Variants in NDUFAF6 observed in about 807,000 individuals in gnomAD.
NDUFAF6 encodes the protein NADH dehydrogenase (ubiquinone) complex I, assembly factor 6.
In NDUFAF6, 45 loss-of-function variants were observed where a neutral mutation model predicts 40.8. The observed-to-expected ratio is 1.10, with a 90% CI of 0.87 to 1.42. The LOEUF is 1.42. Ranked by LOEUF, NDUFAF6 falls within the 40% of genes most tolerant of loss-of-function variation. The pLI is 0.00. For synonymous variants in NDUFAF6, 185 were observed against 155.9 expected, an observed-to-expected ratio of 1.19 and a Z score of -1.39; for missense variants, 435 against 418.5, an observed-to-expected ratio of 1.04 and a Z score of -0.34.
At chr8:94,978,324 C>T (rs532759162) in intron 1 of NDUFAF6, among the ~76,000 whole-genome samples, 6 of 152,312 alleles carry the variant, frequency 3.9e-5, no homozygotes, top group South Asian at 2.1e-4. Context: ...AGAAGGATGG[C>T]GCACTCCAAT....
chr8:95,002,362 T>C (rs143484045), intron 2 of NDUFAF6, among the ~76,000 whole-genome samples: 1,538 of 152,334 alleles, frequency 0.01, 28 homozygotes, highest in African/African-American at 0.035. Flanking sequence ...AGAGCAGAAA[T>C]GAGTCTCACC....
At chr8:95,090,040 C>T (rs183704189) in intron 2 of NDUFAF6, among the ~76,000 whole-genome samples, 1 of 152,272 alleles carries the variant, frequency 6.6e-6, no homozygotes, top group East Asian at 1.9e-4. Flanking sequence ...TCTGGCATCC[C>T]GGCAAGAGGT....
chr8:95,073,252 A>G (rs1832929323), intron 9 of NDUFAF6: 1 of 152,276 alleles, frequency 6.6e-6, no homozygotes. Flanking sequence ...TTGCGCGCGC[A>G]GCCAGGACAG....
At chr8:95,061,301 G>T (rs1330464343), downstream of NDUFAF6, among the ~76,000 whole-genome samples, 1 of 152,180 alleles carries the variant, frequency 6.6e-6, no homozygotes, top group Non-Finnish European at 1.5e-5. Flanking sequence ...ATCCCTAGGT[G>T]CCCTTGGATT....
intron 1 of NDUFAF6, among the ~76,000 whole-genome samples, chr8:94,908,832 C>A (rs1275483987): frequency 6.6e-6 from 1 of 152,126 alleles, no homozygotes. Context: ...ATTTAGCTTG[C>A]AGATTGGAAC....
intron 2 of NDUFAF6, among the ~76,000 whole-genome samples, chr8:95,081,393 G>C (rs2945565): frequency 0.6 from 91,358 of 151,480 alleles, 27,888 homozygotes; most frequent in East Asian, 0.77. Flanking sequence ...TGGTCCCTAA[G>C]TCCTGACCTC....
At position 95,043,701 on chromosome 8, in the gene NDUFAF6, G is replaced by A. The variant is rs191563187; in HGVS notation, c.478-1844G>A. On this transcript the variant is annotated intron_variant, in intron 4 of 8. Coordinates refer to ENST00000396124, the MANE Select transcript of NDUFAF6 (RefSeq NM_152416.4). ...ACATCACTTCACAGCTGTTGGGATG[G>A]CTGTGATAAAAAAGAAAAAAGATGC... Among the ~76,000 whole-genome samples, 8 of 152,288 alleles carry A rather than the reference G, an allele frequency of 5.3e-5. No individual in the cohort carries two copies. The East Asian group carries it at 1.3e-3, about 26-fold the overall frequency.
chr8:94,985,217 G>A (rs1825722319), intron 2 of NDUFAF6, among the ~76,000 whole-genome samples: 1 of 151,692 alleles, frequency 6.6e-6, no homozygotes, highest in African/African-American at 2.4e-5. Context: ...GTGAGCACTG[G>A]AGCTATGGCA....
At chr8:95,050,818 C>T (rs1256489089) in intron 7 of NDUFAF6, among the ~76,000 whole-genome samples, 1 of 152,088 alleles carries the variant, frequency 6.6e-6, no homozygotes, top group Non-Finnish European at 1.5e-5. Flanking sequence ...TGTATACATA[C>T]GTGCCCACAC....
At chr8:95,037,526 G>C (rs2131822387) in intron 3 of NDUFAF6, among the ~76,000 whole-genome samples, 2 of 152,308 alleles carry the variant, frequency 1.3e-5, no homozygotes, top group East Asian at 3.9e-4. Flanking sequence ...CTGGAATTTG[G>C]AAGAGAGGCC....
intron 2 of NDUFAF6, among the ~76,000 whole-genome samples, chr8:94,946,536 A>G (rs1822006204): frequency 6.6e-6 from 1 of 151,606 alleles, no homozygotes; most frequent in Non-Finnish European, 1.5e-5. Flanking sequence ...CCCCATCTCT[A>G]CAAAAAATAA....
In NDUFAF6 at chr8:94,903,364, AAAC is replaced by A. The variant is rs938317594; in HGVS notation, c.-936+7440_-936+7442del. Among the ~76,000 whole-genome samples the A allele has an allele frequency of 4.0e-4, 61 of 152,324 alleles. 1 individual carries two copies. The highest frequency in any genetic ancestry group is 5.8e-4 in the East Asian group (3 of 5,186). On this transcript the variant is annotated intron_variant, in intron 1 of 14. Coordinates refer to the NDUFAF6 transcript ENST00000396113. ...ACAGAGAGAGACCCTGTCTCGAAAA[AAAC>A]AAAGAAAACAACAACAACAAAACTG...
At chr8:94,912,834 C>T (rs1818877182) in intron 1 of NDUFAF6, among the ~76,000 whole-genome samples, 1 of 149,972 alleles carries the variant, frequency 6.7e-6, no homozygotes, top group Non-Finnish European at 1.5e-5. Context: ...AAAAAATTAG[C>T]TGGGCATGGT....
Position 94,932,469 on chromosome 8 carries a change from A to G in NDUFAF6, c.-935-13014A>G, listed in dbSNP as rs117208596. ...ACAAAGCTAGCCTAATTTTGGTAAC[A>G]CCTGATTTCCACCTTGATTTAGCAA... is the stretch of plus-strand genomic sequence containing the variant. On this transcript the variant is annotated intron_variant, in intron 1 of 14. Transcript: ENST00000396113. Among the ~76,000 whole-genome samples, 72 of 152,322 alleles carry G rather than the reference A, an allele frequency of 4.7e-4. 2 individuals carry two copies. In the East Asian group the frequency reaches 0.013, roughly 28 times the overall value.
intron 1 of NDUFAF6, chr8:94,929,849 G>A (rs1364997140): frequency 6.6e-6 from 1 of 152,500 alleles, no homozygotes; most frequent in East Asian, 1.9e-4. Flanking sequence ...ATTACTGCAT[G>A]CACTCTTCAC....
chr8:94,977,386 C>G (rs975306492), intron 1 of NDUFAF6, among the ~76,000 whole-genome samples: 1 of 151,654 alleles, frequency 6.6e-6, no homozygotes, highest in African/African-American at 2.4e-5. Context: ...TGGTGGCACA[C>G]AACTGTAGCC....
intron 1 of NDUFAF6, chr8:94,928,905 G>A (rs567530954): frequency 6.5e-6 from 1 of 152,758 alleles, no homozygotes; most frequent in African/African-American, 2.4e-5. Context: ...TTGCAGAGGA[G>A]ATGGAAAAAC....
chr8:95,045,277 T>C (rs1041782513), intron 4 of NDUFAF6, among the ~76,000 whole-genome samples: 1 of 152,184 alleles, frequency 6.6e-6, no homozygotes, highest in South Asian at 2.1e-4. Context: ...TTTTGATAAC[T>C]TGGGCTTCAG....
intron 2 of NDUFAF6, among the ~76,000 whole-genome samples, chr8:94,998,379 TACACACACACACAC>T (rs200968954): frequency 1.4e-4 from 20 of 138,414 alleles, no homozygotes; most frequent in East Asian, 8.4e-4. Flanking sequence ...TGCAATCAAA[TACACACACACACAC>T]ACACACACAC....
Sources: gnomAD v4.1 joint callset for allele counts (sites outside exome capture counted in the v4.1 genomes callset) on GRCh38, gnomAD v4.1.1 for gene constraint, MANE v1.5 for transcripts, NCBI Gene and HGNC (gene_info 2026-07-23, HGNC 2026-07-21) for gene names.